The following LRRIQ1 variants were observed in gnomAD, a reference collection of about 807,000 sequenced individuals.
LRRIQ1 encodes the protein leucine-rich repeat- and IQ domain-containing protein 1.
Under a neutral mutation model 211.9 loss-of-function variants are expected in LRRIQ1, and 210 were observed. The ratio of observed to expected loss-of-function variants is 0.99; its 90% CI spans 0.89 to 1.11. LRRIQ1 has a LOEUF of 1.11. Ranked by LOEUF, LRRIQ1 falls within the 50% of genes most tolerant of loss-of-function variation. The pLI is 0.00. For synonymous variants in LRRIQ1, 699 were observed against 650.1 expected (o/e 1.08, Z -1.14); for missense variants, 2,136 against 1,939.5 (o/e 1.10, Z -1.90).
At chr12:85,081,049 C>T (rs894626123) in intron 11 of LRRIQ1, among the ~76,000 whole-genome samples, 4 of 152,006 alleles carry the variant, frequency 2.6e-5, no homozygotes, top group Admixed American at 2.6e-4. Flanking sequence ...GCTTCAGGCC[C>T]TCAGAACCCT....
rs758932541 is a variant in LRRIQ1 at position 85,124,169 on chromosome 12, T to G, written c.3657T>G (p.Asp1219Glu). Residue 1219 changes from aspartate to glutamate, a missense_variant, in exon 17 of 27, where the codon GAT becomes GAG. Asp to Glu is a conservative substitution (Grantham distance 45). Transcript: ENST00000393217. ...ACCGACATGCACACGAACGAGGGGA[T>G]GTAACTATCACCAAGAAAGATGAAT... ...TEYRHAHERG[D>E]VTITKKDESE... The G allele has an allele frequency of 1.1e-5, 18 of 1,614,108 alleles. No homozygotes were observed. Among genetic ancestry groups the G allele is most frequent in the Non-Finnish European group, 1.4e-5 (17 of 1,180,018 alleles).
At chr12:85,106,698 C>A (rs1886811178) in intron 15 of LRRIQ1, 83 bp downstream of exon 15, 1 of 884,608 alleles carries the variant, frequency 1.1e-6, no homozygotes, top group East Asian at 2.5e-5. Flanking sequence ...CTGTGAATAA[C>A]AATTACCTAG....
intron 1 of LRRIQ1, among the ~76,000 whole-genome samples, chr12:85,252,099 A>G (rs866641137): frequency 2.6e-5 from 4 of 151,940 alleles, no homozygotes; most frequent in African/African-American, 9.7e-5. Flanking sequence ...AGAAGACTAC[A>G]TTATATGTGA....
chr12:85,153,046 A>G lies in LRRIQ1; in HGVS notation c.4442A>G (p.Asp1481Gly). Residue 1481 changes from aspartate (D) to glycine (G), a missense_variant, in exon 21 of 27, where the codon GAT (aspartate) becomes GGT (glycine). Coordinates refer to ENST00000393217, the MANE Select transcript of LRRIQ1 (RefSeq NM_001079910.2). ...AAGATTCCTGGAAACTTAAAATGGG[A>G]TGATACTTCATTTAATTTACCAAGT... ...WPKIPGNLKW[D>G]DTSFNLPSNP... 1 of 1,568,048 alleles carries G rather than the reference A, an allele frequency of 6.4e-7. No individual in the cohort carries two copies. Among genetic ancestry groups the G allele is most frequent in the South Asian group, 1.2e-5 (1 of 84,496 alleles).
intron 24 of LRRIQ1, among the ~76,000 whole-genome samples, chr12:85,168,221 T>G (rs780429329): frequency 2.6e-5 from 4 of 152,080 alleles, no homozygotes; most frequent in Non-Finnish European, 5.9e-5. Context: ...GCTGGGCCAT[T>G]TGTAGCCCTG....
chr12:85,100,374 TTATA>T (rs957491694), intron 13 of LRRIQ1, among the ~76,000 whole-genome samples: 41 of 151,842 alleles, frequency 2.7e-4, no homozygotes, highest in African/African-American at 9.1e-4. Context: ...AAAATGGGAA[TTATA>T]TAAACTAGAG....
chr12:85,040,144 T>C lies in LRRIQ1; in HGVS notation c.133-346T>C, dbSNP rs534351586. Among the ~76,000 whole-genome samples, 6 of 151,766 alleles carry C rather than the reference T, an allele frequency of 4.0e-5. No individual in the cohort carries two copies. The East Asian group carries it at 1.2e-3, about 29-fold the overall frequency. On this transcript the variant is annotated intron_variant, in intron 2 of 26. Coordinates refer to ENST00000393217, the MANE Select transcript of LRRIQ1 (RefSeq NM_001079910.2). ...TGAAAAAATAATCTTGCAGTTTTGA[T>C]TAATATTTGATAATATTTATTTGAA...
chr12:85,249,678 C>G (rs1895845688), downstream of LRRIQ1, among the ~76,000 whole-genome samples: 2 of 151,856 alleles, frequency 1.3e-5, no homozygotes, highest in East Asian at 1.9e-4. Context: ...TTGCTACTCT[C>G]CTATATCATG....
chr12:85,137,861 G>A lies in LRRIQ1; in HGVS notation c.4221G>A (p.Lys1407=). Residue 1407 remains lysine, a synonymous_variant, in exon 19 of 27, where the codon AAG becomes AAA. Coordinates refer to ENST00000393217, the MANE Select transcript of LRRIQ1 (RefSeq NM_001079910.2). ...KAAILIQAVW[K]GFILRKKLTT... is the part of the protein sequence containing the mutation. ...ACATTTTTGTTTAGGCAGTTTGGAA[G>A]GGCTTTATTTTGCGAAAGAAACTGA... is the stretch of plus-strand genomic sequence containing the variant. 6.3e-7 allele frequency: 1 copy of A among 1,591,754 alleles called. No homozygotes were observed. The highest frequency in any genetic ancestry group is 8.5e-7 in the Non-Finnish European group (1 of 1,172,240).
chr12:85,172,960 A>G (rs1891490958), intron 24 of LRRIQ1, among the ~76,000 whole-genome samples: 1 of 151,874 alleles, frequency 6.6e-6, no homozygotes, highest in African/African-American at 2.4e-5. Flanking sequence ...TTAAAAAAAA[A>G]ATAGCTGGCA....
chr12:85,095,645 C>A (rs1240674581), intron 11 of LRRIQ1, among the ~76,000 whole-genome samples: 1 of 151,972 alleles, frequency 6.6e-6, no homozygotes, highest in Non-Finnish European at 1.5e-5. Context: ...TAAAGCTTTG[C>A]ATCATGCATG....
intron 24 of LRRIQ1, among the ~76,000 whole-genome samples, chr12:85,172,690 G>A (rs186715546): frequency 1.1e-4 from 17 of 152,250 alleles, no homozygotes; most frequent in Non-Finnish European, 2.2e-4. Flanking sequence ...AAGTAAATAT[G>A]TGAGTAATAA....
chr12:85,167,561 C>T (rs1270995928), intron 24 of LRRIQ1, among the ~76,000 whole-genome samples: 2 of 152,150 alleles, frequency 1.3e-5, no homozygotes, highest in Non-Finnish European at 2.9e-5. Flanking sequence ...AAGATGAAGG[C>T]TGGAAGACTC....
Position 85,150,402 on chromosome 12 carries a change from C to T in LRRIQ1, c.4330-1878C>T, listed in dbSNP as rs142240350. Among the ~76,000 whole-genome samples, 27 of 151,826 alleles carry T rather than the reference C, an allele frequency of 1.8e-4. No homozygotes were observed. The East Asian group carries it at 5.3e-3, about 30-fold the overall frequency. On this transcript the variant is annotated intron_variant, in intron 19 of 26. Coordinates refer to ENST00000393217, the MANE Select transcript of LRRIQ1 (RefSeq NM_001079910.2). ...CTAAATCCTGTTTACAATTTTACAT[C>T]AAATAAAAATTTCCATCCCCACCTT...
At chr12:85,170,319 C>G (rs1413794498) in intron 24 of LRRIQ1, among the ~76,000 whole-genome samples, 1 of 150,596 alleles carries the variant, frequency 6.6e-6, no homozygotes, top group African/African-American at 2.4e-5. Context: ...GTAAAACTTA[C>G]ATCACATAAT....
intron 24 of LRRIQ1, among the ~76,000 whole-genome samples, chr12:85,203,464 G>T (rs1159628333): frequency 6.6e-6 from 1 of 152,124 alleles, no homozygotes; most frequent in Non-Finnish European, 1.5e-5. Flanking sequence ...GAACAGTTTG[G>T]GGGGCTCAGA....
chr12:85,149,952 A>T (rs1420793169), intron 19 of LRRIQ1, among the ~76,000 whole-genome samples: 1 of 151,778 alleles, frequency 6.6e-6, no homozygotes, highest in Admixed American at 6.6e-5. Flanking sequence ...TCCAGACTTT[A>T]TGTAGCCTTT....
chr12:85,091,380 T>C (rs1885373594), intron 11 of LRRIQ1, among the ~76,000 whole-genome samples: 1 of 152,210 alleles, frequency 6.6e-6, no homozygotes, highest in Admixed American at 6.5e-5. Context: ...AAATTCCTTA[T>C]AGATTCTGTA....
chr12:85,041,475 CA>C (rs1394448198), intron 3 of LRRIQ1, among the ~76,000 whole-genome samples: 1 of 150,592 alleles, frequency 6.6e-6, no homozygotes, highest in Non-Finnish European at 1.5e-5. Context: ...GTCTCTGTGA[CA>C]AGGTGATATT....
Sources: allele counts gnomAD v4.1 joint callset (sites outside exome capture counted in the v4.1 genomes callset), GRCh38; gene constraint gnomAD v4.1.1; transcripts MANE v1.5; gene names NCBI Gene and HGNC (gene_info 2026-07-23, HGNC 2026-07-21).